The following ZBTB10 variants were observed in gnomAD, a reference collection of about 807,000 sequenced individuals.
ZBTB10 encodes the protein zinc finger and BTB domain containing 10.
A neutral mutation model predicts 76.4 loss-of-function variants in ZBTB10; 32 were observed. That is an observed-to-expected ratio of 0.42 (90% CI 0.32 to 0.56). ZBTB10 has a LOEUF of 0.56. Among genes scored for constraint, ZBTB10 ranks in the 20% least tolerant of loss-of-function variants. The pLI, the probability that ZBTB10 is intolerant of heterozygous loss-of-function variation, is 0.14. For synonymous variants in ZBTB10, 523 were observed against 432.9 expected (o/e 1.21, Z -2.58); for missense variants, 1,057 against 1,098.5 (o/e 0.96, Z 0.53).
At chr8:80,518,033 A>C (rs1816373060) in intron 3 of ZBTB10, among the ~76,000 whole-genome samples, 1 of 151,298 alleles carries the variant, frequency 6.6e-6, no homozygotes, top group South Asian at 2.1e-4. Context: ...TAATTTTTAA[A>C]ATTTTTTTGT....
rs767660622 is a variant in ZBTB10, at chr8:80,500,013, A to G, written c.1492A>G (p.Ile498Val). The part of the protein sequence containing the change: ...DGLSSSRDQK[I>V]ASFWATRNLT... The stretch of plus-strand genomic sequence containing the variant: ...TCTGTCTTCATCACGGGATCAAAAA[A>G]TTGCCAGTTTTTGGGCAACACGGAA... The change falls in exon 2 of 6, where the codon ATT becomes GTT. Residue 498 changes from isoleucine (I) to valine (V), a missense_variant. By Grantham distance (29) the Ile-to-Val change is conservative. Coordinates refer to ENST00000455036, the MANE Select transcript of ZBTB10 (RefSeq NM_001105539.3). 5.0e-6 allele frequency: 8 copies of G among 1,613,908 alleles called. No homozygotes were observed. The South Asian group carries it at 5.5e-5, about 11-fold the overall frequency.
At chr8:80,492,757 G>A (rs981205650) in intron 1 of ZBTB10, among the ~76,000 whole-genome samples, 6 of 152,086 alleles carry the variant, frequency 3.9e-5, no homozygotes, top group African/African-American at 1.4e-4. Flanking sequence ...GATTACAGGC[G>A]TGAGTCACGC....
chr8:80,518,372 A>G, intron 3 of ZBTB10, 31 bp from the exon 4 acceptor site: 4 of 1,528,406 alleles, frequency 2.6e-6, no homozygotes, highest in Non-Finnish European at 3.5e-6. Context: ...CTTTATTACC[A>G]TTATTAATTC....
chr8:80,503,865 A>G (rs954623318), intron 2 of ZBTB10, among the ~76,000 whole-genome samples: 2 of 152,128 alleles, frequency 1.3e-5, no homozygotes, highest in African/African-American at 2.4e-5. Flanking sequence ...CCTCTAATCT[A>G]CCTGATAACC....
chr8:80,515,556 G>C (rs776250331), intron 3 of ZBTB10, among the ~76,000 whole-genome samples: 33 of 152,124 alleles, frequency 2.2e-4, no homozygotes, highest in Admixed American at 8.5e-4. Flanking sequence ...TGCTAACCGC[G>C]CAAGAAGATG....
intron 3 of ZBTB10, among the ~76,000 whole-genome samples, chr8:80,517,823 C>T (rs1288805822): frequency 3.4e-5 from 5 of 145,360 alleles, no homozygotes; most frequent in Non-Finnish European, 6.0e-5. Context: ...TTTCTTGTGG[C>T]GTCTGCACAA....
chr8:80,502,569 C>A (rs866233718), intron 2 of ZBTB10, among the ~76,000 whole-genome samples: 5 of 152,068 alleles, frequency 3.3e-5, no homozygotes, highest in African/African-American at 9.7e-5. Flanking sequence ...TTCATTGATA[C>A]CAGTTTGGTA....
chr8:80,500,554 G>T (rs1283724663), intron 2 of ZBTB10, among the ~76,000 whole-genome samples, 172 bp downstream of exon 2: 1 of 152,108 alleles, frequency 6.6e-6, no homozygotes, highest in Non-Finnish European at 1.5e-5. Context: ...TATTTTCTTT[G>T]TCTTTTTTCA....
In ZBTB10 at chr8:80,495,660, A is replaced by G. The variant is rs116546762; in HGVS notation, c.973-3834A>G. 5.4e-3 allele frequency among the ~76,000 whole-genome samples: 825 copies of G among 152,194 alleles called. 10 individuals are homozygous for G. Among genetic ancestry groups the G allele is most frequent in the African/African-American group, 0.019 (783 of 41,518 alleles). On this transcript the variant is annotated intron_variant, in intron 1 of 5. Coordinates refer to ENST00000455036, the MANE Select transcript of ZBTB10 (RefSeq NM_001105539.3). Reference sequence around the variant, plus strand: ...TGCTTCCTAGTGTAGACCCTGGCCAAAGTAGGTATTCATTTAATGTTTATT... The same window carrying G: ...TGCTTCCTAGTGTAGACCCTGGCCAGAGTAGGTATTCATTTAATGTTTATT...
At chr8:80,485,724 G>A, upstream of ZBTB10, 1 of 1,482,790 alleles carries the variant, frequency 6.7e-7, no homozygotes, top group South Asian at 1.2e-5. Flanking sequence ...GCCTGGTCCA[G>A]TCTTTGTGAA....
At chr8:80,495,213 T>G (rs1437457569) in intron 1 of ZBTB10, among the ~76,000 whole-genome samples, 2 of 151,828 alleles carry the variant, frequency 1.3e-5, no homozygotes, top group African/African-American at 4.8e-5. Context: ...CCAGCCATCC[T>G]GTCGCCTTCC....
rs575116804 is a variant in ZBTB10 at position 80,495,366 on chromosome 8, C to G, written c.973-4128C>G. Among the ~76,000 whole-genome samples the G allele has an allele frequency of 7.9e-5, 12 of 151,172 alleles. No individual in the cohort carries two copies. In the East Asian group the frequency reaches 2.3e-3, roughly 29 times the overall value. On this transcript the variant is annotated intron_variant, in intron 1 of 5. Transcript: ENST00000455036. ...TTACAAATCTTAACTTTTGAGGATG[C>G]TATAGACCATCTTATGTTTTTTTAA... is the stretch of plus-strand genomic sequence containing the variant.
intron 1 of ZBTB10, among the ~76,000 whole-genome samples, chr8:80,494,922 CAAA>C (rs35629668): frequency 0.43 from 45,606 of 104,864 alleles, 9,633 homozygotes; most frequent in African/African-American, 0.67. Context: ...GACACTGTCT[CAAA>C]AAAAAAAAAA....
rs1816485683 is a variant in ZBTB10 at position 80,523,315 on chromosome 8, A to G, written c.*3787A>G. On this transcript the variant is annotated 3_prime_UTR_variant, in exon 6 of 6. Transcript: ENST00000455036. ...GTCTATGGATTATATTTTTCCTATA[A>G]GACAGCTGTGTTTAGAATTTTGAGT... is the stretch of plus-strand genomic sequence containing the variant. 1 of 151,956 alleles carries G rather than the reference A, an allele frequency of 6.6e-6. No individual in the cohort carries two copies. The highest frequency in any genetic ancestry group is 2.4e-5 in the African/African-American group (1 of 41,430). 9.4% of individuals were successfully genotyped at this position (151,956 alleles called of 1,614,324 possible). A position where few individuals can be genotyped will look rare whatever the true frequency, so the allele number is the denominator to read the frequency against.
At chr8:80,511,075 A>G (rs1047833080) in intron 2 of ZBTB10, among the ~76,000 whole-genome samples, 1 of 152,196 alleles carries the variant, frequency 6.6e-6, no homozygotes, top group Non-Finnish European at 1.5e-5. Flanking sequence ...AGTTAAGCAC[A>G]CTATTGTCAA....
In ZBTB10 at chr8:80,487,121, C is replaced by T. The variant is rs768149482; in HGVS notation, c.311C>T (p.Thr104Ile). Residue 104 changes from threonine to isoleucine, a missense_variant, in exon 1 of 6, where the codon ACC becomes ATC. Thr to Ile is a moderately conservative substitution (Grantham distance 89). This residue lies in a region of ZBTB10 where 556 missense variants were observed against 451.7 expected (regional missense o/e 1.23). Transcript: ENST00000455036. ...LLLPQDAGGP[T>I]SLGGGAGGPL... ...CTCCCCCAAGACGCGGGCGGCCCCA[C>T]CTCGCTTGGCGGTGGCGCGGGGGGC... 1 of 1,516,872 alleles carries T rather than the reference C, an allele frequency of 6.6e-7. No homozygotes were observed. The highest frequency in any genetic ancestry group is 1.2e-5 in the South Asian group (1 of 81,346). The allele number at this position is 1,516,872 out of a possible 1,614,324, so 94.0% of individuals were successfully genotyped here. A position where few individuals can be genotyped will look rare whatever the true frequency, so the allele number is the denominator to read the frequency against.
chr8:80,486,586 G>C lies in ZBTB10; in HGVS notation c.-225G>C. 2 of 986,804 alleles carry C rather than the reference G, an allele frequency of 2.0e-6. No homozygotes were observed. The highest frequency in any genetic ancestry group is 4.7e-5 in the South Asian group (1 of 21,336). The allele number at this position is 986,804 out of a possible 1,614,324, so 61.1% of individuals were successfully genotyped here. On this transcript the variant is annotated 5_prime_UTR_variant, in exon 1 of 6. Transcript: ENST00000455036. ...GGCGGGGGTGGAGGACGAGAGAGCG[G>C]TCGGAGGCGTCGGCCCGGCAGCGGC...
rs1274598064 is a variant in ZBTB10, at chr8:80,521,552, A to C, written c.*2024A>C. The stretch of plus-strand genomic sequence containing the variant: ...TATTAAAGAACAAAGATATATATCT[A>C]AAAATCACCTAAATCTGCTTTATTA... On this transcript the variant is annotated 3_prime_UTR_variant, in exon 6 of 6. Coordinates refer to ENST00000455036, the MANE Select transcript of ZBTB10 (RefSeq NM_001105539.3). 4.6e-5 allele frequency: 7 copies of C among 151,822 alleles called. No individual in the cohort carries two copies. The highest frequency in any genetic ancestry group is 1.7e-4 in the African/African-American group (7 of 41,428). The allele number at this position is 151,822 out of a possible 1,614,324, so 9.4% of individuals were successfully genotyped here. A position where few individuals can be genotyped will look rare whatever the true frequency, so the allele number is the denominator to read the frequency against.
intron 2 of ZBTB10, among the ~76,000 whole-genome samples, chr8:80,505,778 G>A (rs1048834000): frequency 7.9e-5 from 12 of 152,010 alleles, no homozygotes; most frequent in African/African-American, 2.9e-4. Context: ...TCACCCAGGC[G>A]GAGTGCAGTG....
Sources: allele counts gnomAD v4.1 joint callset (sites outside exome capture counted in the v4.1 genomes callset), GRCh38; gene constraint gnomAD v4.1.1; regional missense constraint gnomAD v4.1.1; transcripts MANE v1.5; gene names NCBI Gene and HGNC (gene_info 2026-07-23, HGNC 2026-07-21).